RBBP5: variants seen among roughly 807,000 people sequenced by gnomAD.
The protein encoded by RBBP5 is RB binding protein 5, histone lysine methyltransferase complex subunit, also known as retinoblastoma-binding protein 5.
A neutral mutation model predicts 72.2 loss-of-function variants in RBBP5; 5 were observed. The ratio of observed to expected loss-of-function variants is 0.07; its 90% CI spans 0.04 to 0.15. The LOEUF (loss-of-function observed/expected upper bound fraction) is 0.15. Ranked by LOEUF, RBBP5 falls within the 10% of genes least tolerant of loss-of-function variation. The pLI, the probability that RBBP5 is intolerant of heterozygous loss-of-function variation, is 1.00. For synonymous variants in RBBP5, 209 were observed against 237.2 expected, an observed-to-expected ratio of 0.88 and a Z score of 1.09; for missense variants, 322 against 652.2, an observed-to-expected ratio of 0.49 and a Z score of 5.51.
Position 205,086,997 on chromosome 1 carries a change from AAGT to A in RBBP5, c.*1787_*1789del, listed in dbSNP as rs1655162515. On this transcript the variant is annotated 3_prime_UTR_variant, in exon 14 of 14. Coordinates refer to ENST00000264515, the MANE Select transcript of RBBP5 (RefSeq NM_005057.4). ...GTCTCAAAATGAATATTTAAGAAAA[AAGT>A]AGTGGCATCTAAAAATATAGACGTT... is the stretch of plus-strand genomic sequence containing the variant. 1 of 152,190 alleles carries A rather than the reference AAGT, an allele frequency of 6.6e-6. No homozygotes were observed. Among genetic ancestry groups the A allele is most frequent in the African/African-American group, 2.4e-5 (1 of 41,432 alleles). 9.4% of individuals were successfully genotyped at this position (152,190 alleles called of 1,614,324 possible). A position where few individuals can be genotyped will look rare whatever the true frequency, so the allele number is the denominator to read the frequency against.
At chr1:205,102,497 G>C (rs1413625494) in intron 5 of RBBP5, among the ~76,000 whole-genome samples, 1 of 152,110 alleles carries the variant, frequency 6.6e-6, no homozygotes, top group East Asian at 1.9e-4. Context: ...GTGTTTCTAG[G>C]GGCTGGCGGA....
intron 1 of RBBP5, among the ~76,000 whole-genome samples, chr1:205,116,736 C>T (rs558061567): frequency 2.6e-5 from 4 of 152,144 alleles, no homozygotes; most frequent in Non-Finnish European, 5.9e-5. Context: ...ATCACTTGAA[C>T]CTGGGAGACG....
chr1:205,101,889 C>G (rs900320081), intron 5 of RBBP5, among the ~76,000 whole-genome samples, 180 bp from the exon 6 acceptor site: 14 of 138,408 alleles, frequency 1.0e-4, no homozygotes, highest in Admixed American at 4.9e-4. Flanking sequence ...AGGTCTTAAT[C>G]TAGTCTTTTT....
chr1:205,104,794 C>T (rs1655988140), intron 4 of RBBP5, among the ~76,000 whole-genome samples: 1 of 151,784 alleles, frequency 6.6e-6, no homozygotes, highest in Admixed American at 6.6e-5. Context: ...GCCAAGATGG[C>T]GCCACTGCAC....
intron 1 of RBBP5, among the ~76,000 whole-genome samples, chr1:205,116,536 G>A (rs1022335689): frequency 1.3e-5 from 2 of 152,142 alleles, no homozygotes; most frequent in Non-Finnish European, 2.9e-5. Flanking sequence ...TAAGAGCAAG[G>A]AGCCGGGCTC....
intron 13 of RBBP5, among the ~76,000 whole-genome samples, chr1:205,093,482 ATATATAT>A (rs1655460213): frequency 1.9e-3 from 11 of 5,842 alleles, no homozygotes; most frequent in Non-Finnish European, 2.1e-3. Flanking sequence ...AAAAAAAAAT[ATATATAT>A]ATATATATAT....
intron 6 of RBBP5, among the ~76,000 whole-genome samples, chr1:205,100,900 C>A (rs2102283805): frequency 6.6e-6 from 1 of 152,296 alleles, no homozygotes; most frequent in South Asian, 2.1e-4. Flanking sequence ...CACCTCAGAT[C>A]ATCAGGCATT....
At chr1:205,098,953 CT>C in intron 10 of RBBP5, 35 bp downstream of exon 10, 1 of 1,341,660 alleles carries the variant, frequency 7.5e-7, no homozygotes, top group Non-Finnish European at 1.0e-6. Context: ...ATCATTTTCC[CT>C]TTAGGAAATC....
chr1:205,092,687 C>T (rs1051885308), intron 13 of RBBP5, among the ~76,000 whole-genome samples: 1 of 152,116 alleles, frequency 6.6e-6, no homozygotes, highest in Non-Finnish European at 1.5e-5. Context: ...GTCTTGGCCT[C>T]TCAAAGTGCT....
At chr1:205,110,310 G>T (rs547173202) in intron 3 of RBBP5, among the ~76,000 whole-genome samples, 4 of 152,058 alleles carry the variant, frequency 2.6e-5, no homozygotes, top group Non-Finnish European at 4.4e-5. Flanking sequence ...ATGAGCCACC[G>T]TGCCCAGCCA....
Position 205,096,721 on chromosome 1 carries a change from T to G in RBBP5, c.1357A>C (p.Lys453Gln). ...CCTTGAAGTTCTATATTGGTTGTTTTGGGTTTCTTCTTAGGTGGCTGGGAC... is the reference window on the plus strand; with the variant it reads ...CCTTGAAGTTCTATATTGGTTGTTTGGGGTTTCTTCTTAGGTGGCTGGGAC... ...DGSQPPKKKP[K>Q]TTNIELQGVP... Residue 453 changes from lysine (K) to glutamine (Q), a missense_variant, in exon 12 of 14, where the codon AAA (lysine) becomes CAA (glutamine). Transcript: ENST00000264515. 6.2e-7 allele frequency: 1 copy of G among 1,614,200 alleles called. No individual in the cohort carries two copies. Among genetic ancestry groups the G allele is most frequent in the South Asian group, 1.1e-5 (1 of 91,082 alleles).
intron 13 of RBBP5, among the ~76,000 whole-genome samples, chr1:205,093,382 C>T (rs912891561): frequency 2.1e-5 from 3 of 145,416 alleles, no homozygotes; most frequent in African/African-American, 7.7e-5. Context: ...ATCACTTGAA[C>T]CAGGAGGCAG....
At chr1:205,121,784 C>A in intron 1 of RBBP5, 71 bp downstream of exon 1, 2 of 1,606,124 alleles carry the variant, frequency 1.2e-6, no homozygotes, top group Non-Finnish European at 8.5e-7. Flanking sequence ...CAGCCTGACT[C>A]CCCTCCCGCC....
intron 13 of RBBP5, among the ~76,000 whole-genome samples, chr1:205,093,556 A>ACG (rs1269668643): frequency 3.7e-4 from 46 of 123,202 alleles, no homozygotes; most frequent in African/African-American, 1.3e-3. Context: ...ACACACACAC[A>ACG]CACACACACA....
chr1:205,096,540 A>G (rs923663440), intron 12 of RBBP5, 142 bp downstream of exon 12: 7 of 714,592 alleles, frequency 9.8e-6, no homozygotes, highest in African/African-American at 7.2e-5. Context: ...CAATCATTAT[A>G]AAGTTGTAAA....
intron 3 of RBBP5, among the ~76,000 whole-genome samples, chr1:205,111,783 C>T (rs918049329): frequency 1.3e-5 from 2 of 152,172 alleles, no homozygotes; most frequent in African/African-American, 4.8e-5. Context: ...CTTTTAATGA[C>T]TTCAGAGTAC....
At chr1:205,118,707 T>C (rs1656624240) in intron 1 of RBBP5, among the ~76,000 whole-genome samples, 2 of 152,300 alleles carry the variant, frequency 1.3e-5, no homozygotes, top group African/African-American at 2.4e-5. Flanking sequence ...CTGAGAAACT[T>C]AGTTACACGT....
In RBBP5 at chr1:205,093,509, T is replaced by A. The variant is rs1318712282; in HGVS notation, c.1588+1364A>T. On this transcript the variant is annotated intron_variant, in intron 13 of 13. Transcript: ENST00000264515. ...ATATATATATATATATATATATATA[T>A]ATATATATATATATATATATATATA... is the stretch of plus-strand genomic sequence containing the variant. Among the ~76,000 whole-genome samples, 60 of 5,804 alleles carry A rather than the reference T, an allele frequency of 0.01. 8 individuals are homozygous for A. The East Asian group carries it at 0.11, about 10-fold the overall frequency. 3.8% of individuals were successfully genotyped at this position (5,804 alleles called of 152,430 possible).
intron 3 of RBBP5, among the ~76,000 whole-genome samples, chr1:205,113,371 C>T (rs1656393664): frequency 6.6e-6 from 1 of 151,376 alleles, no homozygotes; most frequent in South Asian, 2.1e-4. Flanking sequence ...GCCTAGAACT[C>T]CTGTGTTCAA....
Sources: allele counts gnomAD v4.1 joint callset (sites outside exome capture counted in the v4.1 genomes callset), GRCh38; gene constraint gnomAD v4.1.1; transcripts MANE v1.5; gene names NCBI Gene and HGNC (gene_info 2026-07-23, HGNC 2026-07-21).